Variants in CENPC observed in about 807,000 individuals in gnomAD.
CENPC encodes CENP-C 1.
Under a neutral mutation model 112.1 loss-of-function variants are expected in CENPC, and 63 were observed. That is an observed-to-expected ratio of 0.56 (90% confidence interval 0.46 to 0.69). The LOEUF (loss-of-function observed/expected upper bound fraction) is 0.69, where lower values mean the gene tolerates loss of function less well. CENPC is among the 30% of genes least tolerant of loss of function. CENPC has a pLI of 0.00. For synonymous variants in CENPC, 333 were observed against 367.6 expected, an observed-to-expected ratio of 0.91 and a Z score of 1.08; for missense variants, 1,000 against 1,103.8, an observed-to-expected ratio of 0.91 and a Z score of 1.33.
chr4:67,504,649 A>G (rs1157058726), intron 12 of CENPC, among the ~76,000 whole-genome samples: 1 of 151,844 alleles, frequency 6.6e-6, no homozygotes, highest in East Asian at 1.9e-4. Context: ...GTGAAACCCC[A>G]TCTCTACTAA....
At chr4:67,491,457 A>ATG (rs1725258883) in intron 16 of CENPC, among the ~76,000 whole-genome samples, 1 of 34,022 alleles carries the variant, frequency 2.9e-5, no homozygotes, top group African/African-American at 9.8e-5. Flanking sequence ...ATATATATAT[A>ATG]TATATATATA....
At chr4:67,534,354 T>G (rs1189753268) in intron 4 of CENPC, among the ~76,000 whole-genome samples, 2 of 152,114 alleles carry the variant, frequency 1.3e-5, no homozygotes, top group Non-Finnish European at 2.9e-5. Context: ...AGGCAGAGAT[T>G]GCAGTGAGCC....
At chr4:67,503,068 T>A (rs1388952503) in intron 12 of CENPC, among the ~76,000 whole-genome samples, 1 of 152,126 alleles carries the variant, frequency 6.6e-6, no homozygotes, top group Admixed American at 6.6e-5. Flanking sequence ...TTAATACAGG[T>A]CAAGTCATGT....
intron 10 of CENPC, among the ~76,000 whole-genome samples, chr4:67,507,590 C>T (rs1400018655): frequency 1.3e-5 from 2 of 152,052 alleles, no homozygotes; most frequent in East Asian, 3.9e-4. Context: ...CTCAAAATAC[C>T]ATGAATCAGT....
At chr4:67,506,518 C>G (rs1303656590) in intron 11 of CENPC, among the ~76,000 whole-genome samples, 1 of 152,088 alleles carries the variant, frequency 6.6e-6, no homozygotes, top group East Asian at 1.9e-4. Context: ...GGGTCTCCAG[C>G]CAACAGCGAT....
At chr4:67,491,480 T>TATAGAG (rs1725270093) in intron 16 of CENPC, among the ~76,000 whole-genome samples, 9 of 18,104 alleles carry the variant, frequency 5.0e-4, no homozygotes, top group East Asian at 6.2e-3. Flanking sequence ...TATATATATA[T>TATAGAG]AGAGAGAGAG....
intron 18 of CENPC, 70 bp from the exon 19 acceptor site, chr4:67,472,745 T>C: frequency 7.4e-7 from 1 of 1,355,060 alleles, no homozygotes; most frequent in South Asian, 2.0e-5. Flanking sequence ...AAGTATGTAG[T>C]CATCACCTGA....
intron 18 of CENPC, chr4:67,474,569 G>A (rs1329894461): frequency 1.9e-5 from 5 of 269,160 alleles, no homozygotes; most frequent in Non-Finnish European, 2.8e-5. Context: ...GTGGTGGTTC[G>A]TGCCTGTAGT....
At chr4:67,543,654 T>A (rs930820425) in intron 2 of CENPC, among the ~76,000 whole-genome samples, 1 of 152,218 alleles carries the variant, frequency 6.6e-6, no homozygotes, top group Non-Finnish European at 1.5e-5. Context: ...TCAATAAACA[T>A]GACGTTATTC....
At chr4:67,532,487 C>T (rs183901437) in intron 4 of CENPC, among the ~76,000 whole-genome samples, 7 of 152,196 alleles carry the variant, frequency 4.6e-5, no homozygotes, top group East Asian at 1.9e-4. Flanking sequence ...GCAAAGACTT[C>T]GAACCAACCC....
chr4:67,532,132 G>A (rs355479), intron 4 of CENPC, among the ~76,000 whole-genome samples: 25,630 of 152,062 alleles, frequency 0.17, 2,982 homozygotes, highest in East Asian at 0.57. Flanking sequence ...TGCAGCCAAC[G>A]GACACATGAA....
Position 67,514,132 on chromosome 4 carries a change from C to T in CENPC, c.1386G>A (p.Met462Ile). The T allele has an allele frequency of 6.2e-7, 1 of 1,610,018 alleles. No individual in the cohort carries two copies. The highest frequency in any genetic ancestry group is 8.5e-7 in the Non-Finnish European group (1 of 1,178,572). ...CATTTCCCATCTCTTCATGCTCTTC[C>T]ATATTTCTGTCTGAATTTCTTTGAA... ...DEFQRNSDRN[M>I]EEHEEMGNDC... The change falls in exon 8 of 19, where the codon ATG becomes ATA. Residue 462 changes from methionine (M) to isoleucine (I), a missense_variant. By Grantham distance (10) the Met-to-Ile change is conservative (BLOSUM62 1). Coordinates refer to ENST00000273853, the MANE Select transcript of CENPC (RefSeq NM_001812.4).
chr4:67,542,133 A>G (rs941711275), intron 2 of CENPC, among the ~76,000 whole-genome samples: 1 of 152,182 alleles, frequency 6.6e-6, no homozygotes, highest in East Asian at 1.9e-4. Flanking sequence ...ATTGACATGC[A>G]TCTCTAACAG....
chr4:67,511,847 C>T (rs1293026540), intron 9 of CENPC, among the ~76,000 whole-genome samples: 2 of 152,114 alleles, frequency 1.3e-5, no homozygotes, highest in Non-Finnish European at 2.9e-5. Flanking sequence ...TAAGCTTCTG[C>T]TGATTTCCTC....
chr4:67,527,775 A>G (rs1726427502), intron 5 of CENPC, among the ~76,000 whole-genome samples: 1 of 152,016 alleles, frequency 6.6e-6, no homozygotes, highest in Non-Finnish European at 1.5e-5. Context: ...TGCTGGAACT[A>G]TAGGCCTACG....
At chr4:67,482,085 C>G (rs1225086845) in intron 17 of CENPC, among the ~76,000 whole-genome samples, 2 of 152,048 alleles carry the variant, frequency 1.3e-5, no homozygotes, top group African/African-American at 4.8e-5. Flanking sequence ...ACCAAACAAT[C>G]TCATCAAAAA....
intron 17 of CENPC, among the ~76,000 whole-genome samples, chr4:67,480,255 G>A (rs373687680): frequency 1.3e-5 from 2 of 152,114 alleles, no homozygotes; most frequent in South Asian, 4.1e-4. Flanking sequence ...GGAGATGGAG[G>A]TTACAGTGAG....
At chr4:67,493,826 C>T (rs1340836760) in intron 14 of CENPC, 58 bp downstream of exon 14, 2 of 1,074,430 alleles carry the variant, frequency 1.9e-6, no homozygotes, top group Admixed American at 1.9e-5. Context: ...AGTGCAGTGT[C>T]TGGCACATAG....
In CENPC at chr4:67,492,992, A is replaced by G; in HGVS notation, c.2296T>C (p.Phe766Leu). ...GGAGATAGTACTCCACTAATCACGA[A>G]TCCTCCTGAAATTTAACAAAAAAAG... is the stretch of plus-strand genomic sequence containing the variant. Reference protein sequence around the residue: ...IDYQGRPSGGFVISGVLSPDT... With the variant: ...IDYQGRPSGGLVISGVLSPDT... The change falls in exon 15 of 19, where the codon TTC becomes CTC. Residue 766 changes from phenylalanine (F) to leucine (L), a missense_variant. Coordinates refer to ENST00000273853, the MANE Select transcript of CENPC (RefSeq NM_001812.4). 1 of 1,518,168 alleles carries G rather than the reference A, an allele frequency of 6.6e-7. No individual in the cohort carries two copies. The highest frequency in any genetic ancestry group is 1.3e-5 in the South Asian group (1 of 76,886). 94.0% of individuals were successfully genotyped at this position (1,518,168 alleles called of 1,614,324 possible).
Sources: gnomAD v4.1 joint callset for allele counts (sites outside exome capture counted in the v4.1 genomes callset) on GRCh38, gnomAD v4.1.1 for gene constraint, MANE v1.5 for transcripts, NCBI Gene and HGNC (gene_info 2026-07-23, HGNC 2026-07-21) for gene names.